The following ADCY8 variants were observed in gnomAD, a reference collection of about 807,000 sequenced individuals.
The protein encoded by ADCY8 is adenylate cyclase 8.
ADCY8 carries 51 observed loss-of-function variants against 119.7 expected under a neutral mutation model. The observed-to-expected ratio is 0.43, with a 90% CI of 0.34 to 0.54. The LOEUF is 0.54. Ranked by LOEUF, ADCY8 falls within the 20% of genes least tolerant of loss-of-function variation. The pLI is 0.03. For synonymous variants in ADCY8, 665 were observed against 651.0 expected (o/e 1.02, Z -0.33); for missense variants, 1,383 against 1,598.8 (o/e 0.87, Z 2.30).
chr8:130,790,221 C>A (rs1815382881), intron 15 of ADCY8, among the ~76,000 whole-genome samples: 2 of 152,246 alleles, frequency 1.3e-5, no homozygotes, highest in Non-Finnish European at 2.9e-5. Flanking sequence ...TGTCTTCTAC[C>A]TAAGCACTGA....
At position 131,007,326 on chromosome 8, in the gene ADCY8, TC is replaced by T. The variant is rs373955009; in HGVS notation, c.961-16785del. On this transcript the variant is annotated intron_variant, in intron 1 of 17. Transcript: ENST00000286355. ...CCATTTCCAAGGTGAAAGAGGTAGG[TC>T]CTACCTCCTTATTAGTGATCTCAGA... 6.1e-4 allele frequency among the ~76,000 whole-genome samples: 93 copies of T among 152,270 alleles called. 1 individual carries two copies. The highest frequency in any genetic ancestry group is 2.1e-3 in the African/African-American group (87 of 41,554).
intron 7 of ADCY8, among the ~76,000 whole-genome samples, chr8:130,888,298 G>A (rs886666437): frequency 1.6e-4 from 24 of 151,860 alleles, no homozygotes; most frequent in African/African-American, 5.6e-4. Flanking sequence ...ATATGTATAT[G>A]TGTATACTTA....
At chr8:130,929,299 A>G (rs906594242) in intron 5 of ADCY8, among the ~76,000 whole-genome samples, 3 of 152,112 alleles carry the variant, frequency 2.0e-5, no homozygotes, top group African/African-American at 4.8e-5. Context: ...AACTTCCCTT[A>G]TATAACTGCC....
At chr8:130,931,702 C>T (rs1006949375) in intron 5 of ADCY8, among the ~76,000 whole-genome samples, 10 of 152,050 alleles carry the variant, frequency 6.6e-5, no homozygotes, top group African/African-American at 2.4e-4. Flanking sequence ...TTTCTTTCTT[C>T]TGCCTGAGAA....
At chr8:130,874,444 T>C (rs1053689870) in intron 8 of ADCY8, among the ~76,000 whole-genome samples, 1 of 152,228 alleles carries the variant, frequency 6.6e-6, no homozygotes, top group African/African-American at 2.4e-5. Flanking sequence ...TTCTCTATCT[T>C]GGTTCCTACA....
Position 130,934,794 on chromosome 8 carries a change from G to C in ADCY8, c.1481+2279C>G, listed in dbSNP as rs527849852. On this transcript the variant is annotated intron_variant, in intron 5 of 17. Transcript: ENST00000286355. Reference sequence around the variant, plus strand: ...CTACAGAAGACAGGGAGATAGTAGAGAGGACATCTTGGGTCTCTTTATCTA... The same window carrying C: ...CTACAGAAGACAGGGAGATAGTAGACAGGACATCTTGGGTCTCTTTATCTA... 8.5e-5 allele frequency among the ~76,000 whole-genome samples: 13 copies of C among 152,310 alleles called. No individual in the cohort carries two copies. In the South Asian group the frequency reaches 2.7e-3, roughly 32 times the overall value.
At chr8:130,959,779 A>T (rs1265441061) in intron 2 of ADCY8, among the ~76,000 whole-genome samples, 1 of 152,178 alleles carries the variant, frequency 6.6e-6, no homozygotes, top group Non-Finnish European at 1.5e-5. Flanking sequence ...CAAAGGCCTG[A>T]TTGAAGAGGG....
intron 1 of ADCY8, among the ~76,000 whole-genome samples, chr8:130,999,427 A>T (rs1458882143): frequency 6.6e-6 from 1 of 152,118 alleles, no homozygotes; most frequent in Admixed American, 6.6e-5. Context: ...CAGGGAGTTC[A>T]AAGTTGGAAG....
intron 4 of ADCY8, among the ~76,000 whole-genome samples, chr8:130,939,110 A>G (rs1178345656): frequency 6.6e-6 from 1 of 151,704 alleles, no homozygotes. Flanking sequence ...TTTTTTGTCA[A>G]GAAAGTATGA....
At chr8:130,902,887 T>C (rs1347621853) in intron 7 of ADCY8, among the ~76,000 whole-genome samples, 5 of 152,050 alleles carry the variant, frequency 3.3e-5, no homozygotes, top group Non-Finnish European at 5.9e-5. Flanking sequence ...TTTCTTTCTC[T>C]AAAAATGTAT....
chr8:130,981,608 A>T (rs1432424102), intron 2 of ADCY8, among the ~76,000 whole-genome samples: 3 of 152,158 alleles, frequency 2.0e-5, no homozygotes, highest in South Asian at 4.1e-4. Flanking sequence ...CCTGATGGTG[A>T]TTGATTTCTG....
chr8:130,858,409 T>G (rs1206841930), intron 9 of ADCY8, among the ~76,000 whole-genome samples: 1 of 152,204 alleles, frequency 6.6e-6, no homozygotes, highest in Non-Finnish European at 1.5e-5. Flanking sequence ...GGTGAGGTGT[T>G]TTGTAGACTG....
At chr8:131,011,449 C>G (rs193278245) in intron 1 of ADCY8, among the ~76,000 whole-genome samples, 1 of 152,272 alleles carries the variant, frequency 6.6e-6, no homozygotes, top group East Asian at 1.9e-4. Flanking sequence ...GTGACTCTTT[C>G]CCCTGCTGGA....
intron 9 of ADCY8, 41 bp from the exon 10 acceptor site, chr8:130,849,844 G>A: frequency 6.4e-7 from 1 of 1,559,246 alleles, no homozygotes; most frequent in South Asian, 1.2e-5. Flanking sequence ...GGCATCAATT[G>A]TCTGAGCAAC....
intron 1 of ADCY8, among the ~76,000 whole-genome samples, chr8:131,018,556 A>G (rs1170944314): frequency 6.6e-6 from 1 of 152,248 alleles, no homozygotes; most frequent in East Asian, 1.9e-4. Context: ...CACAGCCATC[A>G]TGATGCTTTC....
intron 15 of ADCY8, among the ~76,000 whole-genome samples, chr8:130,789,028 G>C (rs991314598): frequency 6.6e-6 from 1 of 152,178 alleles, no homozygotes; most frequent in African/African-American, 2.4e-5. Flanking sequence ...AGGGGACGGG[G>C]AGGAGCAGGA....
chr8:130,869,922 T>A (rs1818277254), intron 8 of ADCY8, among the ~76,000 whole-genome samples: 1 of 127,600 alleles, frequency 7.8e-6, no homozygotes, highest in Admixed American at 7.3e-5. Context: ...ACACTAAAAT[T>A]CCTCCTCCTC....
intron 9 of ADCY8, among the ~76,000 whole-genome samples, chr8:130,853,376 T>A (rs1460341577): frequency 6.6e-6 from 1 of 151,936 alleles, no homozygotes; most frequent in African/African-American, 2.4e-5. Context: ...ACTGGTGGAG[T>A]GCGTTGGTTT....
At chr8:130,846,169 G>A (rs572446480) in intron 11 of ADCY8, among the ~76,000 whole-genome samples, 1 of 152,258 alleles carries the variant, frequency 6.6e-6, no homozygotes, top group Non-Finnish European at 1.5e-5. Context: ...CCTTCTGAGT[G>A]TGGCAGCCTC....
Sources: gnomAD v4.1 joint callset for allele counts (sites outside exome capture counted in the v4.1 genomes callset) on GRCh38, gnomAD v4.1.1 for gene constraint, MANE v1.5 for transcripts, NCBI Gene and HGNC (gene_info 2026-07-23, HGNC 2026-07-21) for gene names.